Variants in NRG1 observed in about 807,000 individuals in gnomAD.
NRG1 encodes the protein pro-neuregulin-1, membrane-bound isoform.
NRG1 carries 18 observed loss-of-function variants against 63.8 expected under a neutral mutation model. The observed-to-expected ratio is 0.28, with a 90% CI of 0.19 to 0.42. The LOEUF (loss-of-function observed/expected upper bound fraction) is 0.42, where lower values mean the gene tolerates loss of function less well. Among genes scored for constraint, NRG1 ranks in the 10% least tolerant of loss-of-function variants. The probability of loss-of-function intolerance (pLI) is 1.00; values close to 1 mark genes in which losing one functional copy is unlikely to be tolerated. For synonymous variants in NRG1, 302 were observed against 301.3 expected (o/e 1.00, Z -0.02); for missense variants, 762 against 814.7 (o/e 0.94, Z 0.79).
At chr8:31,695,905 C>A (rs1244867117) in intron 1 of NRG1, among the ~76,000 whole-genome samples, 1 of 152,054 alleles carries the variant, frequency 6.6e-6, no homozygotes, top group Non-Finnish European at 1.5e-5. Flanking sequence ...TTGGAAGGGA[C>A]AAGTCACCTC....
chr8:32,356,153 C>T (rs144560746), intron 1 of NRG1, among the ~76,000 whole-genome samples: 80 of 152,206 alleles, frequency 5.3e-4, no homozygotes, highest in African/African-American at 1.8e-3. Flanking sequence ...TTAAGAAATG[C>T]TTGCTTGATT....
intron 1 of NRG1, among the ~76,000 whole-genome samples, chr8:31,644,084 G>A (rs183902942): frequency 3.7e-4 from 56 of 152,250 alleles, no homozygotes; most frequent in African/African-American, 9.6e-4. Flanking sequence ...ACCTTATGGT[G>A]TTTTGAAAAT....
intron 1 of NRG1, among the ~76,000 whole-genome samples, chr8:32,494,853 T>A (rs1194143795): frequency 2.0e-5 from 3 of 152,134 alleles, no homozygotes; most frequent in Non-Finnish European, 4.4e-5. Flanking sequence ...ACACCCCCTG[T>A]TTCCAAATCT....
At position 32,158,448 on chromosome 8, in the gene NRG1, G is replaced by GATAT. The variant is rs36087607; in HGVS notation, c.38-437359_38-437356dup. On this transcript the variant is annotated intron_variant, in intron 1 of 10. Transcript: ENST00000519301. ...TCGTTTCTCTTTGTTTGGTTTACAT[G>GATAT]ATATATATATATATATATATATATC... 7.1e-3 allele frequency among the ~76,000 whole-genome samples: 439 copies of GATAT among 62,180 alleles called. 55 individuals are homozygous for GATAT. Among genetic ancestry groups the GATAT allele is most frequent in the South Asian group, 0.03 (42 of 1,410 alleles). 40.8% of individuals were successfully genotyped at this position (62,180 alleles called of 152,430 possible).
intron 1 of NRG1, among the ~76,000 whole-genome samples, chr8:32,561,079 G>C (rs1836304641): frequency 6.6e-6 from 1 of 152,140 alleles, no homozygotes; most frequent in Non-Finnish European, 1.5e-5. Context: ...CTTTTTAGTT[G>C]AGGAAAACCA....
At chr8:32,586,748 G>T (rs17721372) in intron 1 of NRG1, among the ~76,000 whole-genome samples, 39,027 of 152,008 alleles carry the variant, frequency 0.26, 5,136 homozygotes, top group South Asian at 0.33. Context: ...ACAATCATTA[G>T]GTACCTTACA....
At chr8:32,087,727 C>T (rs370398571) in intron 1 of NRG1, among the ~76,000 whole-genome samples, 9 of 152,114 alleles carry the variant, frequency 5.9e-5, no homozygotes, top group African/African-American at 2.2e-4. Flanking sequence ...CCTCAGGCTC[C>T]CAAAGTGCTG....
intron 1 of NRG1, among the ~76,000 whole-genome samples, chr8:31,865,046 C>T (rs1344021957): frequency 6.6e-6 from 1 of 152,154 alleles, no homozygotes; most frequent in Admixed American, 6.6e-5. Flanking sequence ...CAGGTAAGGG[C>T]ACAGAGGCTA....
rs144547686 is a variant in NRG1, at chr8:32,458,266, A to G, written c.38-137562A>G. On this transcript the variant is annotated intron_variant, in intron 1 of 10. Coordinates refer to the NRG1 transcript ENST00000519301. ...TTGGATCCATAGTAATCACTTAACT[A>G]TGAACTTGTATATCCATATCAAAAC... Among the ~76,000 whole-genome samples, 1,390 of 152,320 alleles carry G rather than the reference A, an allele frequency of 9.1e-3. 14 individuals are homozygous for G. Among genetic ancestry groups the G allele is most frequent in the African/African-American group, 0.03 (1,256 of 41,560 alleles).
intron 1 of NRG1, among the ~76,000 whole-genome samples, chr8:31,966,750 A>T (rs1586138534): frequency 6.6e-6 from 1 of 152,228 alleles, no homozygotes. Flanking sequence ...TTGAAGTAAT[A>T]CAGGTAGGCC....
At chr8:32,608,577 G>A (rs1845758066) in intron 3 of NRG1, among the ~76,000 whole-genome samples, 1 of 149,894 alleles carries the variant, frequency 6.7e-6, no homozygotes, top group African/African-American at 2.4e-5. Context: ...AGAAGCTGAA[G>A]GAATGGTATG....
intron 1 of NRG1, among the ~76,000 whole-genome samples, chr8:31,929,823 C>G (rs1330061305): frequency 1.3e-5 from 2 of 152,182 alleles, no homozygotes; most frequent in African/African-American, 4.8e-5. Flanking sequence ...TCCTTCAGTA[C>G]TCCTACCTGT....
At chr8:32,524,959 T>C (rs898291970) in intron 1 of NRG1, among the ~76,000 whole-genome samples, 3 of 152,224 alleles carry the variant, frequency 2.0e-5, no homozygotes, top group African/African-American at 7.2e-5. Flanking sequence ...TATTTTTAAG[T>C]AGGAAAAGCT....
intron 1 of NRG1, among the ~76,000 whole-genome samples, chr8:31,766,099 A>G (rs938826454): frequency 1.3e-5 from 2 of 152,186 alleles, no homozygotes; most frequent in African/African-American, 4.8e-5. Context: ...TACACTCCTC[A>G]TTCAGGAACA....
intron 2 of NRG1, among the ~76,000 whole-genome samples, chr8:32,602,565 A>G (rs532617268): frequency 2.2e-4 from 34 of 151,988 alleles, no homozygotes; most frequent in Non-Finnish European, 4.7e-4. Flanking sequence ...AATTCTTGGG[A>G]TGTTGTTGTA....
chr8:32,030,443 C>A (rs1395605977), intron 1 of NRG1: 2 of 152,198 alleles, frequency 1.3e-5, no homozygotes, highest in African/African-American at 4.8e-5. Context: ...CACCCCGATG[C>A]TGTCTTTGCT....
At chr8:32,278,818 C>T (rs1261535834) in intron 1 of NRG1, among the ~76,000 whole-genome samples, 1 of 152,200 alleles carries the variant, frequency 6.6e-6, no homozygotes, top group East Asian at 1.9e-4. Context: ...ATGAGTCCCT[C>T]TAAAGATGGG....
chr8:32,503,165 T>C (rs1355452113), intron 1 of NRG1, among the ~76,000 whole-genome samples: 2 of 151,544 alleles, frequency 1.3e-5, no homozygotes, highest in Admixed American at 1.3e-4. Context: ...CGGGCGCCTG[T>C]AGTCCCAGCT....
At chr8:32,000,764 G>A (rs1201617738) in intron 1 of NRG1, among the ~76,000 whole-genome samples, 1 of 151,770 alleles carries the variant, frequency 6.6e-6, no homozygotes, top group African/African-American at 2.4e-5. Flanking sequence ...AATATATTAG[G>A]TTGGTGCAAC....
Sources: gnomAD v4.1 joint callset for allele counts (sites outside exome capture counted in the v4.1 genomes callset) on GRCh38, gnomAD v4.1.1 for gene constraint, MANE v1.5 for transcripts, NCBI Gene and HGNC (gene_info 2026-07-23, HGNC 2026-07-21) for gene names.